The following NMNAT2 variants were observed in gnomAD, a reference collection of about 807,000 sequenced individuals.
NMNAT2 encodes the protein nicotinamide nucleotide adenylyltransferase 2, also known as nicotinamide/nicotinic acid mononucleotide adenylyltransferase 2.
A neutral mutation model predicts 41.6 loss-of-function variants in NMNAT2; 11 were observed. The observed-to-expected ratio is 0.26, with a 90% CI of 0.17 to 0.44. NMNAT2 has a LOEUF of 0.44. NMNAT2 is among the 20% of genes least tolerant of loss of function. The probability of loss-of-function intolerance (pLI) is 1.00; values close to 1 mark genes in which losing one functional copy is unlikely to be tolerated. For synonymous variants in NMNAT2, 148 were observed against 151.2 expected (o/e 0.98, Z 0.16); for missense variants, 288 against 407.7 (o/e 0.71, Z 2.53).
Position 183,341,520 on chromosome 1 carries a change from A to T in NMNAT2, c.86-47727T>A, listed in dbSNP as rs1320228890. On this transcript the variant is annotated intron_variant, in intron 1 of 10. Coordinates refer to ENST00000287713, the MANE Select transcript of NMNAT2 (RefSeq NM_015039.4). The stretch of plus-strand genomic sequence containing the variant: ...TAGCAAAACCCTGTCTCTACAAAAA[A>T]TGCAAAAAAAAAAAAAAAAAAAAAA... Among the ~76,000 whole-genome samples, 325 of 98,796 alleles carry T rather than the reference A, an allele frequency of 3.3e-3. 2 individuals are homozygous for T. The highest frequency in any genetic ancestry group is 5.1e-3 in the Non-Finnish European group (249 of 48,382). 64.8% of individuals were successfully genotyped at this position (98,796 alleles called of 152,430 possible).
intron 8 of NMNAT2, among the ~76,000 whole-genome samples, chr1:183,261,511 G>T (rs1047013748): frequency 6.6e-6 from 1 of 152,168 alleles, no homozygotes; most frequent in South Asian, 2.1e-4. Flanking sequence ...AGCATTGACT[G>T]GTCACAGAAG....
At chr1:183,365,677 G>A (rs560070068) in intron 1 of NMNAT2, among the ~76,000 whole-genome samples, 129 of 152,186 alleles carry the variant, frequency 8.5e-4, no homozygotes, top group Non-Finnish European at 1.1e-3. Context: ...GGCGGAGGTT[G>A]CAGTGAGCTG....
intron 1 of NMNAT2, among the ~76,000 whole-genome samples, chr1:183,377,744 A>G (rs973392283): frequency 2.0e-5 from 3 of 152,268 alleles, no homozygotes; most frequent in South Asian, 2.1e-4. Flanking sequence ...AAAAAGGCAA[A>G]GAAAAACGAA....
chr1:183,356,592 C>G (rs755224925), intron 1 of NMNAT2, among the ~76,000 whole-genome samples: 2 of 152,142 alleles, frequency 1.3e-5, no homozygotes, highest in Non-Finnish European at 2.9e-5. Flanking sequence ...GAACACGGAC[C>G]CCTGTGGATC....
chr1:183,274,124 G>T (rs1175739423), intron 8 of NMNAT2, among the ~76,000 whole-genome samples: 1 of 151,594 alleles, frequency 6.6e-6, no homozygotes, highest in Non-Finnish European at 1.5e-5. Context: ...TGTTGGCCAG[G>T]CTTGTCTCAA....
At chr1:183,280,194 G>A (rs573387329) in intron 7 of NMNAT2, among the ~76,000 whole-genome samples, 1 of 152,212 alleles carries the variant, frequency 6.6e-6, no homozygotes, top group East Asian at 1.9e-4. Flanking sequence ...CTTATTTCTC[G>A]GATTCTGTTG....
chr1:183,377,752 G>A (rs562243202), intron 1 of NMNAT2, among the ~76,000 whole-genome samples: 18 of 152,242 alleles, frequency 1.2e-4, no homozygotes, highest in South Asian at 1.0e-3. Flanking sequence ...AAAGAAAAAC[G>A]AAGTCTGAAG....
In NMNAT2 at chr1:183,303,055, AG is replaced by A. The variant is rs1459080300; in HGVS notation, c.86-9263del. ...AAAACAGAAGGAAGATACTCATTCC[AG>A]GGGGACAAAGCGAGGTGAGCAGATG... is the stretch of plus-strand genomic sequence containing the variant. On this transcript the variant is annotated intron_variant, in intron 1 of 10. Coordinates refer to ENST00000287713, the MANE Select transcript of NMNAT2 (RefSeq NM_015039.4). Among the ~76,000 whole-genome samples, 4 of 152,248 alleles carry A rather than the reference AG, an allele frequency of 2.6e-5. No individual in the cohort carries two copies. In the East Asian group the frequency reaches 7.7e-4, roughly 29 times the overall value.
intron 1 of NMNAT2, among the ~76,000 whole-genome samples, chr1:183,363,261 C>T (rs751212461): frequency 5.3e-5 from 8 of 152,088 alleles, no homozygotes; most frequent in Non-Finnish European, 8.8e-5. Context: ...GTTATGTGAC[C>T]TCAAGAAAGA....
intron 1 of NMNAT2, among the ~76,000 whole-genome samples, chr1:183,302,911 A>G (rs1027648303): frequency 1.3e-5 from 2 of 152,052 alleles, no homozygotes; most frequent in African/African-American, 4.8e-5. Flanking sequence ...CTGGCCCCCT[A>G]TGACTCAGTG....
chr1:183,286,679 G>T lies in NMNAT2; in HGVS notation c.431C>A (p.Ala144Asp). The change falls in exon 5 of 11, where the codon GCC (alanine) becomes GAC (aspartate). Residue 144 changes from alanine (A) to aspartate (D), a missense_variant. Around this residue, in one of 3 missense-constraint regions of NMNAT2, gnomAD observed 181 missense variants for 213.7 expected, o/e 0.85. Coordinates refer to ENST00000287713, the MANE Select transcript of NMNAT2 (RefSeq NM_015039.4). Reference sequence around the variant, plus strand: ...TCCCCTACCTGCAGTGGGCTTGGTGGCCACGTTGCTGTTCTGGTAAATGGG... The same window carrying T: ...TCCCCTACCTGCAGTGGGCTTGGTGTCCACGTTGCTGTTCTGGTAAATGGG... ...PQPIYQNSNV[A>D]TKPTAAKILG... 1 of 1,610,324 alleles carries T rather than the reference G, an allele frequency of 6.2e-7. No individual in the cohort carries two copies. The highest frequency in any genetic ancestry group is 8.5e-7 in the Non-Finnish European group (1 of 1,178,272).
chr1:183,256,417 T>A (rs1017653368), intron 10 of NMNAT2, among the ~76,000 whole-genome samples: 2 of 151,962 alleles, frequency 1.3e-5, no homozygotes, highest in African/African-American at 4.8e-5. Context: ...TCAAAAAAAA[T>A]AATAAAAAAA....
At chr1:183,303,338 G>C (rs534475927) in intron 1 of NMNAT2, among the ~76,000 whole-genome samples, 1 of 152,284 alleles carries the variant, frequency 6.6e-6, no homozygotes, top group East Asian at 1.9e-4. Context: ...CTGGTGATCT[G>C]CTCTGTGTTA....
At chr1:183,269,541 G>T (rs1660926964) in intron 8 of NMNAT2, among the ~76,000 whole-genome samples, 1 of 152,258 alleles carries the variant, frequency 6.6e-6, no homozygotes, top group African/African-American at 2.4e-5. Context: ...AGCGACTGCA[G>T]CCCATTTGTG....
At chr1:183,346,951 C>T (rs1480943940) in intron 1 of NMNAT2, among the ~76,000 whole-genome samples, 1 of 152,118 alleles carries the variant, frequency 6.6e-6, no homozygotes, top group African/African-American at 2.4e-5. Context: ...CACATAGAAA[C>T]CCACCCTACT....
rs1558105272 is a variant in NMNAT2 at position 183,252,568 on chromosome 1, C to G, written c.*73G>C. 2.8e-6 allele frequency: 3 copies of G among 1,074,264 alleles called. No homozygotes were observed. The highest frequency in any genetic ancestry group is 2.5e-5 in the South Asian group (2 of 79,944). The allele number at this position is 1,074,264 out of a possible 1,614,324, so 66.5% of individuals were successfully genotyped here. ...CAGTCAAGACGAGGAGATGGAGAAA[C>G]AGAGAGGCAGGAGAGAAACAGGGGG... is the stretch of plus-strand genomic sequence containing the variant. On this transcript the variant is annotated 3_prime_UTR_variant, in exon 11 of 11. Coordinates refer to ENST00000287713, the MANE Select transcript of NMNAT2 (RefSeq NM_015039.4).
chr1:183,362,926 T>C (rs1359684356), intron 1 of NMNAT2, among the ~76,000 whole-genome samples: 1 of 152,216 alleles, frequency 6.6e-6, no homozygotes, highest in African/African-American at 2.4e-5. Flanking sequence ...TTGATACTCA[T>C]ACAATTTCTC....
chr1:183,268,741 A>G (rs1025113615), intron 8 of NMNAT2, among the ~76,000 whole-genome samples: 2 of 152,220 alleles, frequency 1.3e-5, no homozygotes, highest in African/African-American at 4.8e-5. Context: ...AAATAAATAT[A>G]TAAATAAGAA....
chr1:183,264,572 T>C (rs1218579304), intron 8 of NMNAT2, among the ~76,000 whole-genome samples: 1 of 152,206 alleles, frequency 6.6e-6, no homozygotes, highest in Non-Finnish European at 1.5e-5. Flanking sequence ...TTGTAGCACC[T>C]GTTTGGAGAA....
Sources: allele counts gnomAD v4.1 joint callset (sites outside exome capture counted in the v4.1 genomes callset), GRCh38; gene constraint gnomAD v4.1.1; regional missense constraint gnomAD v4.1.1; transcripts MANE v1.5; gene names NCBI Gene and HGNC (gene_info 2026-07-23, HGNC 2026-07-21).